ABCA9: variants seen among roughly 807,000 people sequenced by gnomAD.
ABCA9 encodes the protein ATP-binding cassette sub-family A member 9.
A neutral mutation model predicts 205.3 loss-of-function variants in ABCA9; 183 were observed. The observed-to-expected ratio is 0.89, with a 90% CI of 0.79 to 1.01. The LOEUF is 1.01. Among genes scored for constraint, ABCA9 ranks in the 50% least tolerant of loss-of-function variants. The probability of loss-of-function intolerance (pLI) is 0.00; values close to 1 mark genes in which losing one functional copy is unlikely to be tolerated. For missense variants in ABCA9, 1,805 were observed against 1,912.4 expected (o/e 0.94, Z 1.05); for synonymous variants, 651 against 683.3 (o/e 0.95, Z 0.74).
At position 69,016,408 on chromosome 17, in the gene ABCA9, C is replaced by A; in HGVS notation, c.2902-18G>T. 1.3e-6 allele frequency: 2 copies of A among 1,558,908 alleles called. No individual in the cohort carries two copies. The highest frequency in any genetic ancestry group is 8.6e-7 in the Non-Finnish European group (1 of 1,158,940). Reference sequence around the variant, plus strand: ...CTGTGATCCTGAAATACAACAAGTACCAATTCGAAGTCTTCATAAAGCAAA... The same window carrying A: ...CTGTGATCCTGAAATACAACAAGTAACAATTCGAAGTCTTCATAAAGCAAA... On this transcript the variant is annotated intron_variant, in intron 21 of 38. Transcript: ENST00000340001.
chr17:68,982,481 T>C, intron 37 of ABCA9, 81 bp downstream of exon 37: 2 of 1,042,738 alleles, frequency 1.9e-6, no homozygotes, highest in Non-Finnish European at 1.5e-6. Context: ...TCTATGTTTA[T>C]GTATTTTTAA....
intron 32 of ABCA9, among the ~76,000 whole-genome samples, 196 bp downstream of exon 32, chr17:68,985,950 AAAAGGAAAAAAGAAAAAG>A (rs2069221118): frequency 6.6e-6 from 1 of 150,734 alleles, no homozygotes; most frequent in South Asian, 2.1e-4. Context: ...AAAAGAAAAA[AAAAGGAAAAAAGAAAAAG>A]AAAAAGAAAT....
chr17:69,044,684 G>A (rs1308880453), intron 4 of ABCA9, 84 bp from the exon 5 acceptor site: 2 of 1,258,212 alleles, frequency 1.6e-6, no homozygotes, highest in Admixed American at 4.1e-5. Context: ...GTTTCAAAAT[G>A]CAAAGTCCAT....
chr17:68,996,155 C>T, intron 25 of ABCA9, 141 bp from the exon 26 acceptor site: 1 of 808,302 alleles, frequency 1.2e-6, no homozygotes, highest in African/African-American at 1.7e-5. Context: ...CATTTCTTTC[C>T]TTTGCAACAT....
chr17:68,985,955 GAAAAAA>G (rs1233654921), intron 32 of ABCA9, among the ~76,000 whole-genome samples: 1 of 151,842 alleles, frequency 6.6e-6, no homozygotes, highest in African/African-American at 2.4e-5. Context: ...AAAAAAAAAG[GAAAAAA>G]GAAAAAGAAA....
At chr17:68,979,124 G>A (rs1276014766) in intron 37 of ABCA9, among the ~76,000 whole-genome samples, 3 of 152,154 alleles carry the variant, frequency 2.0e-5, no homozygotes, top group Non-Finnish European at 4.4e-5. Context: ...AAAGTCACAA[G>A]CATTCTTATA....
rs1329551778 is a variant in ABCA9 at position 69,027,324 on chromosome 17, A to ACT, written c.1911+4_1911+5dup. ...TGATTTCACCAGTAATTTTTGTTTG[A>ACT]CTTACTTGAGGATCTCCTAAAATGG... On this transcript the variant is annotated splice_donor_region_variant and intron_variant, in intron 14 of 38. Coordinates refer to ENST00000340001, the MANE Select transcript of ABCA9 (RefSeq NM_080283.4). The ACT allele has an allele frequency of 2.5e-6, 4 of 1,611,338 alleles. No individual in the cohort carries two copies. Among genetic ancestry groups the ACT allele is most frequent in the Non-Finnish European group, 3.4e-6 (4 of 1,179,062 alleles).
At chr17:69,051,179 T>G in intron 1 of ABCA9, 40 bp from the exon 2 acceptor site, 1 of 1,565,486 alleles carries the variant, frequency 6.4e-7, no homozygotes, top group East Asian at 2.3e-5. Context: ...CATGTGAAGG[T>G]CTAAAGTAGA....
chr17:69,057,458 G>A (rs2072102393), intron 1 of ABCA9, among the ~76,000 whole-genome samples: 1 of 152,132 alleles, frequency 6.6e-6, no homozygotes, highest in African/African-American at 2.4e-5. Flanking sequence ...CTTTAGGCTT[G>A]CACACAGATC....
intron 16 of ABCA9, among the ~76,000 whole-genome samples, chr17:69,025,334 T>C (rs1313913121): frequency 6.6e-6 from 1 of 152,174 alleles, no homozygotes; most frequent in Non-Finnish European, 1.5e-5. Flanking sequence ...AGGCAACAGT[T>C]CAAAATAGTG....
intron 22 of ABCA9, 40 bp from the exon 23 acceptor site, chr17:69,012,123 G>C (rs2070402127): frequency 7.1e-7 from 1 of 1,398,742 alleles, no homozygotes; most frequent in African/African-American, 1.4e-5. Flanking sequence ...TGGCGATTGG[G>C]CATCTGTTTC....
chr17:69,026,549 T>A, intron 15 of ABCA9, 82 bp from the exon 16 acceptor site: 1 of 1,238,160 alleles, frequency 8.1e-7, no homozygotes, highest in Non-Finnish European at 1.2e-6. Flanking sequence ...ATTAACAATG[T>A]ATTGTAGCAG....
At position 68,993,884 on chromosome 17, in the gene ABCA9, T is replaced by A. The variant is rs188752622; in HGVS notation, c.3556-800A>T. 4.2e-3 allele frequency among the ~76,000 whole-genome samples: 640 copies of A among 151,940 alleles called. 4 individuals carry two copies. Among genetic ancestry groups the A allele is most frequent in the African/African-American group, 0.015 (616 of 41,462 alleles). On this transcript the variant is annotated intron_variant, in intron 26 of 38. Coordinates refer to ENST00000340001, the MANE Select transcript of ABCA9 (RefSeq NM_080283.4). ...TCTACTCTCTCTGCTGATACTATAT[T>A]TTTTTTTATGGGACAGAGTTTTGTT...
intron 6 of ABCA9, 76 bp downstream of exon 6, chr17:69,043,413 C>G: frequency 7.9e-7 from 1 of 1,269,158 alleles, no homozygotes; most frequent in South Asian, 1.5e-5. Flanking sequence ...CTTGGGGACC[C>G]CTGGTCTAAG....
chr17:69,021,692 C>CCTTT lies in ABCA9; in HGVS notation c.2401+49_2401+50insAAAG, dbSNP rs765015360. 27 of 1,226,036 alleles carry CCTTT rather than the reference C, an allele frequency of 2.2e-5. No homozygotes were observed. In the African/African-American group the frequency reaches 4.0e-4, roughly 18 times the overall value. 75.9% of individuals were successfully genotyped at this position (1,226,036 alleles called of 1,614,324 possible). Reference sequence around the variant, plus strand: ...ATCTTTCTTTCGTCCTTCCTTCCTTCCTTCCTTTCTTTCTTTCTCCCTTTC... The same window carrying CCTTT: ...ATCTTTCTTTCGTCCTTCCTTCCTTCCTTTCTTCCTTTCTTTCTTTCTCCCTTTC... On this transcript the variant is annotated intron_variant, in intron 18 of 38. Coordinates refer to ENST00000340001, the MANE Select transcript of ABCA9 (RefSeq NM_080283.4).
chr17:69,047,825 C>T (rs1164540085), intron 3 of ABCA9, among the ~76,000 whole-genome samples: 2 of 152,318 alleles, frequency 1.3e-5, no homozygotes, highest in East Asian at 3.9e-4. Context: ...ACTGGCTAGC[C>T]ACCCCACTTC....
intron 5 of ABCA9, 22 bp from the exon 6 acceptor site, chr17:69,043,737 C>G: frequency 6.5e-7 from 1 of 1,536,750 alleles, no homozygotes; most frequent in Non-Finnish European, 8.8e-7. Flanking sequence ...TATCAATGAA[C>G]AAATTGTTAT....
chr17:69,035,275 G>T lies in ABCA9; in HGVS notation c.1099C>A (p.Pro367Thr). 6.3e-7 allele frequency: 1 copy of T among 1,599,496 alleles called. No individual in the cohort carries two copies. Among genetic ancestry groups the T allele is most frequent in the Non-Finnish European group, 8.5e-7 (1 of 1,173,354 alleles). ...GCCATCCCAACAGTGAAGGCAAAGG[G>T]GCTAAGAAGACACAAAGTCCATTCC... Reference protein sequence around the residue: ...FLEWTLCLLSPFAFTVGMAQL... With the variant: ...FLEWTLCLLSTFAFTVGMAQL... Residue 367 changes from proline to threonine, a missense_variant, in exon 8 of 39, where the codon CCC becomes ACC. Coordinates refer to ENST00000340001, the MANE Select transcript of ABCA9 (RefSeq NM_080283.4).
At chr17:69,011,540 T>C (rs2070374481) in intron 23 of ABCA9, among the ~76,000 whole-genome samples, 1 of 152,160 alleles carries the variant, frequency 6.6e-6, no homozygotes, top group Non-Finnish European at 1.5e-5. Flanking sequence ...GAATTTTATT[T>C]TTTAAAAACT....
Sources: allele counts gnomAD v4.1 joint callset (sites outside exome capture counted in the v4.1 genomes callset), GRCh38; gene constraint gnomAD v4.1.1; transcripts MANE v1.5; gene names NCBI Gene and HGNC (gene_info 2026-07-23, HGNC 2026-07-21).